The following SEMA3A variants were observed in gnomAD, a reference collection of about 807,000 sequenced individuals.
SEMA3A encodes semaphorin 3A.
A neutral mutation model predicts 97.9 loss-of-function variants in SEMA3A; 29 were observed. That is an observed-to-expected ratio of 0.30 (90% CI 0.22 to 0.40). SEMA3A has a LOEUF of 0.40. SEMA3A is among the 10% of genes least tolerant of loss of function. The pLI is 1.00. For missense variants in SEMA3A, 763 were observed against 951.3 expected (o/e 0.80, Z 2.60); for synonymous variants, 321 against 323.7 (o/e 0.99, Z 0.09).
intron 1 of SEMA3A, among the ~76,000 whole-genome samples, chr7:84,473,114 G>T (rs938200317): frequency 2.7e-5 from 4 of 149,728 alleles, no homozygotes; most frequent in Non-Finnish European, 5.9e-5. Flanking sequence ...GAGAAGTATT[G>T]TTTGGGCTTA....
intron 3 of SEMA3A, among the ~76,000 whole-genome samples, chr7:84,255,341 T>G (rs117535717): frequency 0.014 from 2,077 of 152,210 alleles, 17 homozygotes; most frequent in Non-Finnish European, 0.021. Flanking sequence ...AACTGAAACA[T>G]AAATAATTGA....
intron 1 of SEMA3A, among the ~76,000 whole-genome samples, chr7:84,424,879 A>T (rs1584314832): frequency 3.0e-5 from 2 of 66,912 alleles, no homozygotes; most frequent in East Asian, 1.0e-3. Flanking sequence ...TAAATATATA[A>T]TATTATATAT....
intron 1 of SEMA3A, among the ~76,000 whole-genome samples, chr7:84,378,875 ACTCTCT>A (rs72175737): frequency 7.1e-6 from 1 of 140,838 alleles, no homozygotes; most frequent in African/African-American, 2.6e-5. Flanking sequence ...AAGATCCATG[ACTCTCT>A]CTCTCTCTCT....
chr7:84,446,704 T>C (rs568623195), intron 1 of SEMA3A, among the ~76,000 whole-genome samples: 18 of 152,298 alleles, frequency 1.2e-4, no homozygotes, highest in Non-Finnish European at 8.8e-5. Flanking sequence ...ATATCATAGT[T>C]GGTGAAAGAC....
chr7:84,469,920 A>G (rs1806104885), intron 1 of SEMA3A, among the ~76,000 whole-genome samples: 1 of 151,960 alleles, frequency 6.6e-6, no homozygotes, highest in Non-Finnish European at 1.5e-5. Context: ...TAAATGTTAG[A>G]AAAGTGTAAA....
intron 5 of SEMA3A, among the ~76,000 whole-genome samples, chr7:84,047,892 T>C (rs967170791): frequency 1.3e-5 from 2 of 151,928 alleles, no homozygotes; most frequent in African/African-American, 2.4e-5. Flanking sequence ...ACCAAAGCAA[T>C]TCCTTTGGTA....
intron 1 of SEMA3A, among the ~76,000 whole-genome samples, chr7:84,141,758 C>T (rs1796299188): frequency 6.6e-6 from 1 of 152,110 alleles, no homozygotes; most frequent in Non-Finnish European, 1.5e-5. Flanking sequence ...CATCATTTAG[C>T]TCGCACTTAT....
chr7:84,092,358 G>A (rs945641574), intron 4 of SEMA3A, among the ~76,000 whole-genome samples: 4 of 152,056 alleles, frequency 2.6e-5, no homozygotes, highest in African/African-American at 4.8e-5. Flanking sequence ...GTGTACATAC[G>A]AATGCCTTTG....
intron 16 of SEMA3A, among the ~76,000 whole-genome samples, chr7:83,962,516 A>G (rs1788512550): frequency 6.6e-6 from 1 of 152,308 alleles, no homozygotes; most frequent in East Asian, 1.9e-4. Context: ...TTTACCTTTA[A>G]CATCATATTA....
intron 1 of SEMA3A, among the ~76,000 whole-genome samples, chr7:84,375,167 C>A (rs552626575): frequency 6.6e-6 from 1 of 152,104 alleles, no homozygotes; most frequent in African/African-American, 2.4e-5. Flanking sequence ...TTACAGGCAC[C>A]CGCCAACACA....
At chr7:84,352,633 G>A (rs1054013916) in intron 2 of SEMA3A, among the ~76,000 whole-genome samples, 4 of 151,874 alleles carry the variant, frequency 2.6e-5, no homozygotes, top group East Asian at 1.9e-4. Context: ...AGTCAGTATA[G>A]TGAGGGCCAA....
intron 4 of SEMA3A, among the ~76,000 whole-genome samples, chr7:84,073,074 T>G (rs1793802895): frequency 6.6e-6 from 1 of 152,204 alleles, no homozygotes; most frequent in African/African-American, 2.4e-5. Context: ...AGAAACAATT[T>G]TATTTTAGTG....
chr7:83,968,064 G>GTA (rs1788776132), intron 15 of SEMA3A, among the ~76,000 whole-genome samples: 1 of 152,174 alleles, frequency 6.6e-6, no homozygotes, highest in Non-Finnish European at 1.5e-5. Flanking sequence ...TGGCAGCACA[G>GTA]TATAGCTCTA....
intron 7 of SEMA3A, among the ~76,000 whole-genome samples, 169 bp downstream of exon 7, chr7:84,014,040 G>T (rs1790992046): frequency 6.6e-6 from 1 of 152,140 alleles, no homozygotes; most frequent in Admixed American, 6.5e-5. Flanking sequence ...ACTGCGAAGA[G>T]TTACTCATAA....
intron 1 of SEMA3A, among the ~76,000 whole-genome samples, chr7:84,449,129 C>T (rs1391947119): frequency 6.6e-6 from 1 of 152,068 alleles, no homozygotes; most frequent in East Asian, 1.9e-4. Flanking sequence ...ACACCATATA[C>T]AAAAATTACT....
intron 1 of SEMA3A, among the ~76,000 whole-genome samples, chr7:84,411,507 AAAT>A (rs1804265612): frequency 6.6e-6 from 1 of 151,598 alleles, no homozygotes; most frequent in Admixed American, 6.6e-5. Flanking sequence ...CCTATTTCAA[AAAT>A]AATAGACTAC....
intron 1 of SEMA3A, among the ~76,000 whole-genome samples, chr7:84,405,113 G>A (rs936602030): frequency 1.3e-5 from 2 of 152,030 alleles, no homozygotes; most frequent in Admixed American, 6.6e-5. Context: ...TTGGATAAAG[G>A]GTCAAGACCC....
intron 12 of SEMA3A, among the ~76,000 whole-genome samples, chr7:83,988,481 GC>G (rs1789734401): frequency 6.6e-6 from 1 of 152,030 alleles, no homozygotes; most frequent in Non-Finnish European, 1.5e-5. Flanking sequence ...CGCCACCTCA[GC>G]CTCCCAACTT....
chr7:84,403,012 A>C (rs918366322), intron 1 of SEMA3A, among the ~76,000 whole-genome samples: 5 of 152,082 alleles, frequency 3.3e-5, no homozygotes, highest in Non-Finnish European at 5.9e-5. Flanking sequence ...AACTGAGGTA[A>C]TGGGTTCATC....
Sources: allele counts gnomAD v4.1 joint callset (sites outside exome capture counted in the v4.1 genomes callset), GRCh38; gene constraint gnomAD v4.1.1; transcripts MANE v1.5; gene names NCBI Gene and HGNC (gene_info 2026-07-23, HGNC 2026-07-21).